MINDY4: variants seen among roughly 807,000 people sequenced by gnomAD.
The protein encoded by MINDY4 is MINDY lysine 48 deubiquitinase 4.
MINDY4 carries 68 observed loss-of-function variants against 87.0 expected under a neutral mutation model. That is an observed-to-expected ratio of 0.78 (90% CI 0.64 to 0.96). The LOEUF is 0.96. Ranked by LOEUF, MINDY4 falls within the 40% of genes least tolerant of loss-of-function variation. MINDY4 has a pLI of 0.00. For missense variants in MINDY4, 919 were observed against 928.2 expected (o/e 0.99, Z 0.13); for synonymous variants, 379 against 363.2 (o/e 1.04, Z -0.50).
chr7:30,846,343 A>C (rs1370101788), intron 9 of MINDY4, among the ~76,000 whole-genome samples: 3 of 152,222 alleles, frequency 2.0e-5, no homozygotes. Flanking sequence ...CTTTCATCTG[A>C]AACACTTGGG....
chr7:30,845,812 G>GT (rs765723631), intron 9 of MINDY4, among the ~76,000 whole-genome samples: 1 of 152,208 alleles, frequency 6.6e-6, no homozygotes, highest in African/African-American at 2.4e-5. Flanking sequence ...CAGTGGTGGT[G>GT]TTTTTTCTGC....
chr7:30,862,106 C>T (rs1789784228), intron 13 of MINDY4, among the ~76,000 whole-genome samples: 2 of 152,266 alleles, frequency 1.3e-5, no homozygotes, highest in Admixed American at 6.5e-5. Context: ...AGGCCTTGGG[C>T]AGCCTGTGCT....
Position 30,791,466 on chromosome 7 carries a change from C to T in MINDY4, c.965C>T (p.Thr322Met), listed in dbSNP as rs12701034. ...CCAGCAGTGGACGGCAGCACAGACA[C>T]GGACAGGATGCCCTTGAAGCTCTAC... ...DTPAVDGSTD[T>M]DRMPLKLYLP... Residue 322 changes from threonine to methionine, a missense_variant, in exon 5 of 18, where the codon ACG (threonine) becomes ATG (methionine). Physicochemically the swap from Thr to Met is moderately conservative, Grantham distance 81 (BLOSUM62 -1). Transcript: ENST00000265299. 802,901 of 1,613,594 alleles carry T rather than the reference C, an allele frequency of 0.5. 206,487 individuals are homozygous for T. Among genetic ancestry groups the T allele is most frequent in the African/African-American group, 0.76 (57,000 of 74,930 alleles).
At chr7:30,879,822 C>A (rs2128580975) in intron 15 of MINDY4, among the ~76,000 whole-genome samples, 1 of 152,334 alleles carries the variant, frequency 6.6e-6, no homozygotes, top group Non-Finnish European at 1.5e-5. Context: ...CATCGCATTT[C>A]ATCGCCTTTA....
At chr7:30,891,914 G>T in intron 17 of MINDY4, 43 bp from the exon 18 acceptor site, 1 of 1,608,314 alleles carries the variant, frequency 6.2e-7, no homozygotes, top group Non-Finnish European at 8.5e-7. Flanking sequence ...CTGGGACCCT[G>T]AAGCTTGATC....
chr7:30,813,939 C>G (rs1446780633), intron 5 of MINDY4, among the ~76,000 whole-genome samples: 9 of 152,126 alleles, frequency 5.9e-5, no homozygotes, highest in Non-Finnish European at 1.2e-4. Flanking sequence ...AAGCATAGCT[C>G]TAGGAACCAG....
chr7:30,798,740 C>T lies in MINDY4; in HGVS notation c.1073+7166C>T, dbSNP rs193182182. ...GTCTCAATCTCTTGACCTTGTGATC[C>T]GCCCGCCTCGGCCTCTCAAAGTGCT... On this transcript the variant is annotated intron_variant, in intron 5 of 17. Transcript: ENST00000265299. Among the ~76,000 whole-genome samples the T allele has an allele frequency of 3.0e-4, 45 of 152,238 alleles. 1 individual carries two copies. The highest frequency in any genetic ancestry group is 3.4e-3 in the Middle Eastern group (1 of 294).
Position 30,878,363 on chromosome 7 carries a change from G to A in MINDY4, c.1971+2707G>A, listed in dbSNP as rs558956238. On this transcript the variant is annotated intron_variant, in intron 15 of 17. Transcript: ENST00000265299. ...TACCCAGATGACCCATACTCAGGGT[G>A]TACCTGGGGTAAACAGATGAAACTC... is the stretch of plus-strand genomic sequence containing the variant. Among the ~76,000 whole-genome samples the A allele has an allele frequency of 5.7e-4, 87 of 152,288 alleles. 1 individual carries two copies. Among genetic ancestry groups the A allele is most frequent in the South Asian group, 2.1e-3 (10 of 4,816 alleles).
At chr7:30,776,898 TTGAA>T (rs1786834892) in intron 1 of MINDY4, among the ~76,000 whole-genome samples, 1 of 152,192 alleles carries the variant, frequency 6.6e-6, no homozygotes, top group African/African-American at 2.4e-5. Context: ...CGAATGAAGT[TTGAA>T]TGGGCTGGAT....
At chr7:30,825,782 C>T (rs1788480415) in intron 5 of MINDY4, among the ~76,000 whole-genome samples, 1 of 152,114 alleles carries the variant, frequency 6.6e-6, no homozygotes, top group African/African-American at 2.4e-5. Context: ...TTCTTCCTTG[C>T]TTATAACTGT....
At chr7:30,794,642 A>AT (rs1451398464) in intron 5 of MINDY4, among the ~76,000 whole-genome samples, 2 of 152,078 alleles carry the variant, frequency 1.3e-5, no homozygotes. Flanking sequence ...TTTCTGGTTT[A>AT]TTTTTTGTTT....
intron 17 of MINDY4, among the ~76,000 whole-genome samples, chr7:30,885,702 G>GCCC (rs139282839): frequency 5.1e-5 from 7 of 138,076 alleles, no homozygotes; most frequent in African/African-American, 9.3e-5. Flanking sequence ...TAAGGGCAGT[G>GCCC]CCCACCCCCC....
intron 13 of MINDY4, among the ~76,000 whole-genome samples, chr7:30,866,772 G>C (rs772138568): frequency 6.6e-6 from 1 of 152,156 alleles, no homozygotes; most frequent in Non-Finnish European, 1.5e-5. Flanking sequence ...GAGGGAAGGA[G>C]CTGGACATGG....
Position 30,785,998 on chromosome 7 carries a change from G to A in MINDY4, c.663+6G>A, listed in dbSNP as rs965106733. ...CCATCGCCAGCTCCCCACAGGTGGG[G>A]CTGTTGCTCTTTCTGTTGTTATGGG... is the stretch of plus-strand genomic sequence containing the variant. On this transcript the variant is annotated splice_donor_region_variant and intron_variant, in intron 4 of 17. Transcript: ENST00000265299. The A allele has an allele frequency of 4.3e-6, 7 of 1,613,624 alleles. No homozygotes were observed. The highest frequency in any genetic ancestry group is 5.9e-6 in the Non-Finnish European group (7 of 1,179,776).
intron 5 of MINDY4, among the ~76,000 whole-genome samples, chr7:30,820,489 A>G (rs1406223067): frequency 6.6e-6 from 1 of 152,190 alleles, no homozygotes; most frequent in Non-Finnish European, 1.5e-5. Flanking sequence ...TCTTCAAAGG[A>G]AAATCCTTTA....
chr7:30,789,472 T>G (rs577773355), intron 4 of MINDY4, among the ~76,000 whole-genome samples: 1 of 152,288 alleles, frequency 6.6e-6, no homozygotes, highest in Middle Eastern at 3.4e-3. Flanking sequence ...GCTCCAAAGA[T>G]TGTTGGGTAT....
intron 5 of MINDY4, chr7:30,797,035 T>C (rs1429128191): frequency 6.6e-6 from 1 of 152,268 alleles, no homozygotes; most frequent in Non-Finnish European, 1.5e-5. Context: ...TTAGTGCCCC[T>C]TCTTAACTTT....
chr7:30,888,688 C>T (rs565598333), intron 17 of MINDY4, among the ~76,000 whole-genome samples: 7 of 152,342 alleles, frequency 4.6e-5, no homozygotes, highest in South Asian at 4.1e-4. Context: ...GCACAACATG[C>T]GTCATGGCTC....
rs190037844 is a variant in MINDY4, at chr7:30,782,125, G to A, written c.332G>A (p.Cys111Tyr). 7.4e-6 allele frequency: 12 copies of A among 1,614,010 alleles called. No homozygotes were observed. The highest frequency in any genetic ancestry group is 1.6e-4 in the Middle Eastern group (1 of 6,062). Residue 111 changes from cysteine to tyrosine, a missense_variant, in exon 3 of 18, where the codon TGC becomes TAC. Cys to Tyr is a radical substitution (Grantham distance 194). Transcript: ENST00000265299. Reference sequence around the variant, plus strand: ...AAAAATAACAAAGTGCCATCAAGATGCTCAGAGACTACACTGGTAAATATA... The same window carrying A: ...AAAAATAACAAAGTGCCATCAAGATACTCAGAGACTACACTGGTAAATATA... The part of the protein sequence containing the change: ...PKKNNKVPSR[C>Y]SETTLVNIYD...
Sources: allele counts gnomAD v4.1 joint callset (sites outside exome capture counted in the v4.1 genomes callset), GRCh38; gene constraint gnomAD v4.1.1; transcripts MANE v1.5; gene names NCBI Gene and HGNC (gene_info 2026-07-23, HGNC 2026-07-21).